DPP10: variants seen among roughly 807,000 people sequenced by gnomAD.
DPP10 encodes inactive dipeptidyl peptidase 10.
DPP10 carries 33 observed loss-of-function variants against 120.9 expected under a neutral mutation model. The ratio of observed to expected loss-of-function variants is 0.27; its 90% CI spans 0.21 to 0.37. The LOEUF (loss-of-function observed/expected upper bound fraction) is 0.37. DPP10 is among the 10% of genes least tolerant of loss of function. The pLI, the probability that DPP10 is intolerant of heterozygous loss-of-function variation, is 1.00. For synonymous variants in DPP10, 337 were observed against 326.1 expected (o/e 1.03, Z -0.36); for missense variants, 816 against 942.8 (o/e 0.87, Z 1.76).
Position 114,740,520 on chromosome 2 carries a change from TA to T in DPP10, c.60+297691del, listed in dbSNP as rs200567138. ...CTTAAAGTAATAATAAAATAAAAAT[TA>T]AAAAAAAACTTAAATGTACTTCTAT... On this transcript the variant is annotated intron_variant, in intron 1 of 25. Coordinates refer to ENST00000410059, the MANE Select transcript of DPP10 (RefSeq NM_020868.6). Among the ~76,000 whole-genome samples, 1,076 of 151,392 alleles carry T rather than the reference TA, an allele frequency of 7.1e-3. 17 individuals carry two copies. The highest frequency in any genetic ancestry group is 6.8e-3 in the Non-Finnish European group (462 of 67,808).
intron 1 of DPP10, among the ~76,000 whole-genome samples, chr2:115,197,867 T>C (rs111400554): frequency 1.6e-4 from 25 of 152,350 alleles, no homozygotes; most frequent in African/African-American, 5.8e-4. Context: ...CTAGCATTTC[T>C]CTGTATTTTC....
intron 5 of DPP10, among the ~76,000 whole-genome samples, chr2:115,552,520 T>C (rs1272979862): frequency 6.6e-6 from 1 of 152,130 alleles, no homozygotes; most frequent in East Asian, 1.9e-4. Flanking sequence ...TAGGTTTTAT[T>C]CATCTCCCCT....
chr2:114,829,289 C>CAAA, intron 1 of DPP10, among the ~76,000 whole-genome samples: 1 of 150,876 alleles, frequency 6.6e-6, no homozygotes, highest in East Asian at 1.9e-4. Flanking sequence ...GACTCCATCT[C>CAAA]AAAAATAAAT....
intron 1 of DPP10, among the ~76,000 whole-genome samples, chr2:115,279,827 A>G (rs1446658374): frequency 6.6e-6 from 1 of 151,558 alleles, no homozygotes; most frequent in Admixed American, 6.6e-5. Flanking sequence ...ACGCCCAGCT[A>G]ATTTTTCTAT....
At chr2:115,509,715 G>A (rs1317193142) in intron 4 of DPP10, among the ~76,000 whole-genome samples, 1 of 151,930 alleles carries the variant, frequency 6.6e-6, no homozygotes, top group South Asian at 2.1e-4. Flanking sequence ...ACAAAACAAA[G>A]GTAGTCTCCA....
intron 1 of DPP10, among the ~76,000 whole-genome samples, chr2:114,484,019 T>C (rs746073800): frequency 6.6e-6 from 1 of 152,162 alleles, no homozygotes; most frequent in African/African-American, 2.4e-5. Flanking sequence ...GAGCCCTTTG[T>C]GTCACTCTGA....
At chr2:114,466,092 A>G (rs1679345444) in intron 1 of DPP10, among the ~76,000 whole-genome samples, 1 of 152,128 alleles carries the variant, frequency 6.6e-6, no homozygotes, top group African/African-American at 2.4e-5. Flanking sequence ...TTTCCCACAA[A>G]TTCATCTATA....
At chr2:114,472,461 G>A (rs1680001085) in intron 1 of DPP10, among the ~76,000 whole-genome samples, 1 of 152,218 alleles carries the variant, frequency 6.6e-6, no homozygotes, top group African/African-American at 2.4e-5. Context: ...GGTTTTGGCT[G>A]GAACAAACAG....
At chr2:115,404,008 A>T (rs929449041) in intron 3 of DPP10, among the ~76,000 whole-genome samples, 3 of 152,236 alleles carry the variant, frequency 2.0e-5, no homozygotes, top group African/African-American at 7.2e-5. Flanking sequence ...GCAATAAAAA[A>T]GTTAAATATA....
intron 1 of DPP10, among the ~76,000 whole-genome samples, chr2:114,928,709 C>T (rs1695829122): frequency 1.3e-5 from 2 of 152,158 alleles, no homozygotes; most frequent in South Asian, 2.1e-4. Flanking sequence ...GGTGGCTATG[C>T]TTCTGCAGCA....
intron 1 of DPP10, among the ~76,000 whole-genome samples, chr2:114,647,309 GTGTT>G (rs1279036640): frequency 6.6e-6 from 1 of 152,158 alleles, no homozygotes. Flanking sequence ...AAAACTGAAT[GTGTT>G]TAATCTAGGT....
chr2:114,779,576 C>T (rs1257499350), intron 1 of DPP10, among the ~76,000 whole-genome samples: 3 of 152,208 alleles, frequency 2.0e-5, no homozygotes, highest in East Asian at 3.9e-4. Flanking sequence ...TATCAGTTTA[C>T]GCTGAGGACT....
chr2:115,018,490 A>G (rs1702831966), intron 1 of DPP10, among the ~76,000 whole-genome samples: 1 of 152,218 alleles, frequency 6.6e-6, no homozygotes, highest in Non-Finnish European at 1.5e-5. Context: ...GATAAAGAAA[A>G]TGTGACACAT....
At chr2:115,595,187 G>T (rs748832301) in intron 5 of DPP10, among the ~76,000 whole-genome samples, 4 of 152,032 alleles carry the variant, frequency 2.6e-5, no homozygotes, top group Non-Finnish European at 5.9e-5. Context: ...AGGAGACTCA[G>T]TTTCTTAAAC....
chr2:115,281,561 T>C (rs185428730), intron 1 of DPP10, among the ~76,000 whole-genome samples: 1 of 152,324 alleles, frequency 6.6e-6, no homozygotes, highest in African/African-American at 2.4e-5. Flanking sequence ...AATATGCCCG[T>C]AGGAGTAAAC....
At chr2:115,719,951 C>A (rs1193543028) in intron 7 of DPP10, among the ~76,000 whole-genome samples, 1 of 152,142 alleles carries the variant, frequency 6.6e-6, no homozygotes, top group Non-Finnish European at 1.5e-5. Flanking sequence ...TTTGTAACAT[C>A]GTTATTGGCT....
chr2:115,134,753 A>G (rs1345467998), intron 1 of DPP10, among the ~76,000 whole-genome samples: 1 of 152,166 alleles, frequency 6.6e-6, no homozygotes, highest in East Asian at 1.9e-4. Context: ...AAATGACTGG[A>G]AGGAAACACC....
intron 1 of DPP10, among the ~76,000 whole-genome samples, chr2:115,013,662 A>T (rs1320102069): frequency 6.7e-6 from 1 of 150,278 alleles, no homozygotes; most frequent in Non-Finnish European, 1.5e-5. Flanking sequence ...GGAAAGCAAA[A>T]AAAAAAAAAA....
intron 1 of DPP10, among the ~76,000 whole-genome samples, chr2:115,248,987 T>A (rs2058646751): frequency 6.6e-6 from 1 of 152,130 alleles, no homozygotes; most frequent in African/African-American, 2.4e-5. Flanking sequence ...AAAATGGAAA[T>A]TTTTCCAAAT....
Sources: allele counts gnomAD v4.1 joint callset (sites outside exome capture counted in the v4.1 genomes callset), GRCh38; gene constraint gnomAD v4.1.1; transcripts MANE v1.5; gene names NCBI Gene and HGNC (gene_info 2026-07-23, HGNC 2026-07-21).